TMEM39A: variants seen among roughly 807,000 people sequenced by gnomAD.
The protein encoded by TMEM39A is transmembrane protein 39A.
In TMEM39A, 19 loss-of-function variants were observed where a neutral mutation model predicts 51.9. The ratio of observed to expected loss-of-function variants is 0.37; its 90% CI spans 0.26 to 0.54. TMEM39A has a LOEUF of 0.54. Ranked by LOEUF, TMEM39A falls within the 20% of genes least tolerant of loss-of-function variation. The pLI, the probability that TMEM39A is intolerant of heterozygous loss-of-function variation, is 0.88. For synonymous variants in TMEM39A, 197 were observed against 220.2 expected (o/e 0.89, Z 0.93); for missense variants, 433 against 590.5 (o/e 0.73, Z 2.76).
intron 7 of TMEM39A, chr3:119,436,025 AG>A (rs1475808454): frequency 5.7e-5 from 52 of 914,756 alleles, no homozygotes; most frequent in Non-Finnish European, 7.5e-5. Flanking sequence ...CCACTTAACT[AG>A]GGAAAAATTT....
chr3:119,458,391 T>C, intron 2 of TMEM39A, 151 bp from the exon 3 acceptor site: 1 of 643,442 alleles, frequency 1.6e-6, no homozygotes, highest in Non-Finnish European at 2.7e-6. Flanking sequence ...CCTCCACACT[T>C]TCTGTCAGTG....
At chr3:119,457,287 T>C (rs925571855) in intron 3 of TMEM39A, among the ~76,000 whole-genome samples, 3 of 152,192 alleles carry the variant, frequency 2.0e-5, no homozygotes, top group East Asian at 1.9e-4. Flanking sequence ...GTACTCTTAA[T>C]AAATGGAAAG....
At chr3:119,447,466 G>A (rs971285464) in intron 4 of TMEM39A, among the ~76,000 whole-genome samples, 4 of 151,872 alleles carry the variant, frequency 2.6e-5, no homozygotes, top group Admixed American at 6.6e-5. Context: ...TATGTTCCAC[G>A]GATCACATTA....
chr3:119,435,120 A>T (rs1024582092), intron 7 of TMEM39A: 16 of 985,262 alleles, frequency 1.6e-5, no homozygotes, highest in Non-Finnish European at 1.7e-5. Context: ...ACTCAGTGTC[A>T]AAGGACTTAA....
intron 4 of TMEM39A, among the ~76,000 whole-genome samples, chr3:119,450,689 G>A (rs536954212): frequency 2.6e-5 from 4 of 151,940 alleles, no homozygotes; most frequent in South Asian, 2.1e-4. Context: ...GGGTATGGTC[G>A]TGGGCGCCTG....
intron 5 of TMEM39A, among the ~76,000 whole-genome samples, chr3:119,441,771 A>G (rs985367887): frequency 2.6e-5 from 4 of 152,258 alleles, no homozygotes; most frequent in Non-Finnish European, 5.9e-5. Context: ...CTAGACTTCC[A>G]TACCTAGAGA....
At chr3:119,440,572 C>G (rs1403273293) in intron 5 of TMEM39A, among the ~76,000 whole-genome samples, 2 of 152,076 alleles carry the variant, frequency 1.3e-5, no homozygotes, top group Admixed American at 6.6e-5. Context: ...CTAATTCACC[C>G]TAATGAGAAG....
chr3:119,442,289 G>A (rs1443741092), intron 5 of TMEM39A, among the ~76,000 whole-genome samples: 2 of 151,002 alleles, frequency 1.3e-5, no homozygotes, highest in African/African-American at 4.9e-5. Context: ...GTTGCAGTGA[G>A]CTGAGATCAC....
chr3:119,437,897 T>C lies in TMEM39A; in HGVS notation c.782A>G (p.His261Arg). 1.9e-6 allele frequency: 3 copies of C among 1,613,594 alleles called. No individual in the cohort carries two copies. Among genetic ancestry groups the C allele is most frequent in the Non-Finnish European group, 2.5e-6 (3 of 1,179,588 alleles). The change falls in exon 6 of 9, where the codon CAC becomes CGC. Residue 261 changes from histidine (H) to arginine (R), a missense_variant. Coordinates refer to ENST00000319172, the MANE Select transcript of TMEM39A (RefSeq NM_018266.3). ...GAGGTCTGGAGATAGGGGACAACTG[T>C]GGGTGGGGATGGGTGTGGCATTATT... ...QFNNATPIPTHSCPLSPDLIR... is the reference protein window; with the variant it reads ...QFNNATPIPTRSCPLSPDLIR...
rs1423457245 is a variant in TMEM39A at position 119,461,947 on chromosome 3, T to G, written c.113+15A>C. 2 of 1,599,242 alleles carry G rather than the reference T, an allele frequency of 1.3e-6. No individual in the cohort carries two copies. On this transcript the variant is annotated intron_variant, in intron 2 of 8. Transcript: ENST00000319172. ...AAGGACATTAAAATTATATATAGCC[T>G]TATTTTTTCTTTACCTGTTTCTCAA...
At chr3:119,451,620 C>T (rs1167058924) in intron 4 of TMEM39A, among the ~76,000 whole-genome samples, 2 of 151,978 alleles carry the variant, frequency 1.3e-5, no homozygotes, top group Non-Finnish European at 2.9e-5. Flanking sequence ...CACCTGAGGT[C>T]GGGAGTTCGA....
chr3:119,440,204 TG>T (rs2081032561), intron 5 of TMEM39A, among the ~76,000 whole-genome samples: 1 of 152,022 alleles, frequency 6.6e-6, no homozygotes, highest in African/African-American at 2.4e-5. Context: ...CTGGAGTGTG[TG>T]GTAGATTGTA....
At chr3:119,449,943 A>G (rs17203132) in intron 4 of TMEM39A, among the ~76,000 whole-genome samples, 7,168 of 152,278 alleles carry the variant, frequency 0.047, 232 homozygotes, top group Non-Finnish European at 0.067. Flanking sequence ...ATTAATTACC[A>G]GCAGCCTCTC....
At chr3:119,444,440 A>G (rs1189771390) in intron 5 of TMEM39A, among the ~76,000 whole-genome samples, 1 of 152,248 alleles carries the variant, frequency 6.6e-6, no homozygotes, top group Non-Finnish European at 1.5e-5. Context: ...TTTGTAGAAA[A>G]CAAGGGTAAT....
rs150641752 is a variant in TMEM39A at position 119,434,866 on chromosome 3, T to C, written c.1129A>G (p.Ile377Val). 53 of 1,613,596 alleles carry C rather than the reference T, an allele frequency of 3.3e-5. No homozygotes were observed. The highest frequency in any genetic ancestry group is 4.2e-5 in the Non-Finnish European group (50 of 1,179,606). ...CGCACCAGCACCCCTTGAGGCCATA[T>C]TGTATTTTCTGACCAACTAAGGGAG... ...APQHIWSENT[I>V]WPQGVLVRHS... Residue 377 changes from isoleucine to valine, a missense_variant, in exon 8 of 9, where the codon ATA (isoleucine) becomes GTA (valine). Physicochemically the swap from Ile to Val is conservative, Grantham distance 29. Transcript: ENST00000319172.
At chr3:119,444,859 C>A (rs1413052583) in intron 5 of TMEM39A, among the ~76,000 whole-genome samples, 3 of 151,948 alleles carry the variant, frequency 2.0e-5, no homozygotes, top group Admixed American at 1.3e-4. Context: ...ACTCTGGAAT[C>A]AAAAAAACCT....
rs1250782268 is a variant in TMEM39A, at chr3:119,447,128, C to G, written c.465G>C (p.Leu155=). The G allele has an allele frequency of 1.9e-6, 3 of 1,614,108 alleles. No individual in the cohort carries two copies. Among genetic ancestry groups the G allele is most frequent in the Admixed American group, 1.7e-5 (1 of 60,020 alleles). The part of the protein sequence containing the change: ...GAASMIHYMV[L]ISARLVLLTL... The stretch of plus-strand genomic sequence containing the variant: ...TGAGTAGTACCAAGCGAGCTGATAT[C>G]AGAACCATGTAGTGAATCATTGATG... Residue 155 remains leucine (L), a synonymous_variant, in exon 5 of 9, where the codon CTG becomes CTC. Coordinates refer to ENST00000319172, the MANE Select transcript of TMEM39A (RefSeq NM_018266.3).
intron 2 of TMEM39A, among the ~76,000 whole-genome samples, chr3:119,458,682 G>A (rs992101073): frequency 5.9e-5 from 9 of 151,962 alleles, no homozygotes; most frequent in African/African-American, 1.9e-4. Context: ...AACACCTGAG[G>A]TCAGGAGTTC....
At chr3:119,451,363 G>A in intron 4 of TMEM39A, 1 of 1,111,702 alleles carries the variant, frequency 9.0e-7, no homozygotes, top group Non-Finnish European at 1.2e-6. Flanking sequence ...TCAATTATTT[G>A]TGATTATAGT....
Sources: allele counts gnomAD v4.1 joint callset (sites outside exome capture counted in the v4.1 genomes callset), GRCh38; gene constraint gnomAD v4.1.1; transcripts MANE v1.5; gene names NCBI Gene and HGNC (gene_info 2026-07-23, HGNC 2026-07-21).